The following KCNH7 variants were observed in gnomAD, a reference collection of about 807,000 sequenced individuals.
KCNH7 encodes the protein voltage-gated inwardly rectifying potassium channel KCNH7.
In KCNH7, 49 loss-of-function variants were observed where a neutral mutation model predicts 120.8. The ratio of observed to expected loss-of-function variants is 0.41; its 90% CI spans 0.32 to 0.51. The LOEUF is 0.51. KCNH7 is among the 20% of genes least tolerant of loss of function. The probability of loss-of-function intolerance (pLI) is 0.38; values close to 1 mark genes in which losing one functional copy is unlikely to be tolerated. For missense variants in KCNH7, 1,097 were observed against 1,446.6 expected, an observed-to-expected ratio of 0.76 and a Z score of 3.92; for synonymous variants, 547 against 516.1, an observed-to-expected ratio of 1.06 and a Z score of -0.81.
chr2:162,516,530 A>AG (rs753571204), intron 4 of KCNH7, among the ~76,000 whole-genome samples: 2 of 151,788 alleles, frequency 1.3e-5, no homozygotes, highest in Non-Finnish European at 2.9e-5. Flanking sequence ...GCTAGAAATG[A>AG]GGCTAGAAAA....
chr2:162,814,570 T>C (rs534695670), intron 2 of KCNH7, among the ~76,000 whole-genome samples: 1 of 152,210 alleles, frequency 6.6e-6, no homozygotes, highest in African/African-American at 2.4e-5. Context: ...TCTCACACAA[T>C]AAGATGTAAT....
intron 2 of KCNH7, among the ~76,000 whole-genome samples, chr2:162,804,338 C>A (rs771578341): frequency 3.3e-5 from 5 of 151,722 alleles, no homozygotes; most frequent in Non-Finnish European, 5.9e-5. Flanking sequence ...ACAAACGCCT[C>A]CAAAAGACTT....
chr2:162,608,212 C>G (rs10930061), intron 2 of KCNH7, among the ~76,000 whole-genome samples: 96,154 of 152,050 alleles, frequency 0.63, 31,862 homozygotes, highest in African/African-American at 0.83. Context: ...TTCAGCCAGT[C>G]GGATACTGGT....
intron 2 of KCNH7, among the ~76,000 whole-genome samples, chr2:162,571,430 T>G (rs952897562): frequency 3.4e-5 from 5 of 148,166 alleles, no homozygotes; most frequent in Non-Finnish European, 7.5e-5. Flanking sequence ...TCCATGCTCA[T>G]GGGTAGGAAG....
chr2:162,748,554 A>T (rs1030783660), intron 2 of KCNH7, among the ~76,000 whole-genome samples: 1 of 152,168 alleles, frequency 6.6e-6, no homozygotes, highest in Non-Finnish European at 1.5e-5. Context: ...CATTACCATT[A>T]TCTAAATGTA....
At chr2:162,664,343 A>G (rs1685065175) in intron 2 of KCNH7, among the ~76,000 whole-genome samples, 1 of 152,172 alleles carries the variant, frequency 6.6e-6, no homozygotes, top group African/African-American at 2.4e-5. Flanking sequence ...ATTTCTTCCC[A>G]ATTCTCAAAG....
intron 2 of KCNH7, among the ~76,000 whole-genome samples, chr2:162,708,460 G>C (rs1337108761): frequency 6.6e-6 from 1 of 151,944 alleles, no homozygotes. Flanking sequence ...TATAAGTAGA[G>C]CAATTAGTTT....
In KCNH7 at chr2:162,517,900, T is replaced by C. The variant is rs1691365602; in HGVS notation, c.722A>G (p.Lys241Arg). The change falls in exon 4 of 16, where the codon AAA becomes AGA. Residue 241 changes from lysine to arginine, a missense_variant. Transcript: ENST00000332142. ...AGGGTAGAGTCGGTCCCATTGCCTT[T>C]TGGGAGAGGAATGGTCAAGAGGTCC... ...ISGPLDHSSP[K>R]RQWDRLYPDM... 1.9e-6 allele frequency: 3 copies of C among 1,612,342 alleles called. No individual in the cohort carries two copies. The highest frequency in any genetic ancestry group is 2.5e-6 in the Non-Finnish European group (3 of 1,178,880).
intron 2 of KCNH7, among the ~76,000 whole-genome samples, chr2:162,826,718 G>A (rs141186952): frequency 2.0e-5 from 3 of 152,198 alleles, no homozygotes; most frequent in African/African-American, 4.8e-5. Flanking sequence ...CTGGGTTCTC[G>A]TAAGTCTGTT....
Position 162,752,902 on chromosome 2 carries a change from G to GAAAAAAGAAAAGAAAAGAAAAGAAA in KCNH7, c.307+83634_307+83635insTTTCTTTTCTTTTCTTTTCTTTTTT, listed in dbSNP as rs140501872. On this transcript the variant is annotated intron_variant, in intron 2 of 15. Coordinates refer to ENST00000332142, the MANE Select transcript of KCNH7 (RefSeq NM_033272.4). ...GGCAAAAGAGCAAGACTACATCTCA[G>GAAAAAAGAAAAGAAAAGAAAAGAAA]AAAAAGAAAAGAAAAGAAAAGAAAA... 1.3e-4 allele frequency among the ~76,000 whole-genome samples: 8 copies of GAAAAAAGAAAAGAAAAGAAAAGAAA among 61,218 alleles called. 2 individuals carry two copies. The highest frequency in any genetic ancestry group is 2.2e-4 in the Non-Finnish European group (8 of 36,522). 40.2% of individuals were successfully genotyped at this position (61,218 alleles called of 152,430 possible).
chr2:162,797,581 A>G (rs778015251), intron 2 of KCNH7: 4 of 152,106 alleles, frequency 2.6e-5, no homozygotes, highest in Non-Finnish European at 5.9e-5. Context: ...TAACTATAGT[A>G]AATACATCTT....
intron 3 of KCNH7, 113 bp from the exon 4 acceptor site, chr2:162,518,271 A>G (rs535940910): frequency 3.3e-5 from 26 of 783,920 alleles, no homozygotes; most frequent in Non-Finnish European, 4.6e-5. Flanking sequence ...TTTTGAATCA[A>G]TGGTTATAGT....
chr2:162,504,220 A>G (rs754347736), intron 6 of KCNH7, among the ~76,000 whole-genome samples: 4 of 152,070 alleles, frequency 2.6e-5, no homozygotes, highest in Non-Finnish European at 4.4e-5. Flanking sequence ...CAACCATGCC[A>G]TGTTAGCCCA....
chr2:162,656,504 T>C (rs12613181), intron 2 of KCNH7, among the ~76,000 whole-genome samples: 19,193 of 152,134 alleles, frequency 0.13, 1,376 homozygotes, highest in East Asian at 0.33. Flanking sequence ...ATATAGAGAA[T>C]ATGAGGAAGC....
intron 2 of KCNH7, among the ~76,000 whole-genome samples, chr2:162,830,870 G>C (rs1685455170): frequency 6.6e-6 from 1 of 152,060 alleles, no homozygotes; most frequent in Non-Finnish European, 1.5e-5. Flanking sequence ...TTGATCTTGG[G>C]CTTCCCAGCC....
intron 2 of KCNH7, among the ~76,000 whole-genome samples, chr2:162,833,931 T>G (rs1685563288): frequency 6.6e-6 from 1 of 152,188 alleles, no homozygotes; most frequent in Admixed American, 6.5e-5. Context: ...TCACTCTTCA[T>G]ATTCTTGTGA....
At chr2:162,646,886 C>T (rs1426757382) in intron 2 of KCNH7, among the ~76,000 whole-genome samples, 1 of 152,190 alleles carries the variant, frequency 6.6e-6, no homozygotes, top group Non-Finnish European at 1.5e-5. Flanking sequence ...GCCTTGTGAA[C>T]TTTGAGCAAA....
intron 13 of KCNH7, among the ~76,000 whole-genome samples, chr2:162,383,461 A>G (rs1686484175): frequency 6.6e-6 from 1 of 151,800 alleles, no homozygotes; most frequent in African/African-American, 2.4e-5. Flanking sequence ...GCTTACTTCA[A>G]TGTGGGGTCA....
chr2:162,378,743 C>T (rs951405853), intron 14 of KCNH7, among the ~76,000 whole-genome samples: 2 of 152,200 alleles, frequency 1.3e-5, no homozygotes, highest in Non-Finnish European at 2.9e-5. Flanking sequence ...TCAGTATCAT[C>T]GCATCTTGGC....
Sources: allele counts gnomAD v4.1 joint callset (sites outside exome capture counted in the v4.1 genomes callset), GRCh38; gene constraint gnomAD v4.1.1; transcripts MANE v1.5; gene names NCBI Gene and HGNC (gene_info 2026-07-23, HGNC 2026-07-21).